The following OSBPL11 variants were observed in gnomAD, a reference collection of about 807,000 sequenced individuals.
OSBPL11 encodes the protein oxysterol binding protein like 11.
A neutral mutation model predicts 84.4 loss-of-function variants in OSBPL11; 33 were observed. The ratio of observed to expected loss-of-function variants is 0.39; its 90% CI spans 0.30 to 0.52. OSBPL11 has a LOEUF of 0.52. OSBPL11 is among the 20% of genes least tolerant of loss of function. OSBPL11 has a pLI of 0.72. For synonymous variants in OSBPL11, 276 were observed against 310.2 expected (o/e 0.89, Z 1.16); for missense variants, 736 against 901.1 (o/e 0.82, Z 2.35).
intron 11 of OSBPL11, among the ~76,000 whole-genome samples, chr3:125,536,784 C>A (rs1935645184): frequency 6.6e-6 from 1 of 152,156 alleles, no homozygotes; most frequent in South Asian, 2.1e-4. Flanking sequence ...AGTGCTCTTC[C>A]TCCAGATAAC....
At chr3:125,562,980 A>T (rs530029458) in intron 7 of OSBPL11, among the ~76,000 whole-genome samples, 4 of 129,210 alleles carry the variant, frequency 3.1e-5, no homozygotes, top group African/African-American at 7.8e-5. Context: ...ATTTATAATT[A>T]AAAAAAAAAC....
Position 125,530,326 on chromosome 3 carries a change from G to A in OSBPL11, c.*189C>T. 3.3e-6 allele frequency: 2 copies of A among 607,214 alleles called. No homozygotes were observed. Among genetic ancestry groups the A allele is most frequent in the Non-Finnish European group, 6.0e-6 (2 of 335,922 alleles). The allele number at this position is 607,214 out of a possible 1,614,324, so 37.6% of individuals were successfully genotyped here. On this transcript the variant is annotated 3_prime_UTR_variant, in exon 13 of 13. Coordinates refer to ENST00000296220, the MANE Select transcript of OSBPL11 (RefSeq NM_022776.5). ...ACATCACATGAACAGGTTGGTAAAAGGTCCACTGTGTTTCTTTACCACTTT... is the reference window on the plus strand; with the variant it reads ...ACATCACATGAACAGGTTGGTAAAAAGTCCACTGTGTTTCTTTACCACTTT...
At chr3:125,582,321 G>A (rs1198015318) in intron 2 of OSBPL11, among the ~76,000 whole-genome samples, 1 of 150,726 alleles carries the variant, frequency 6.6e-6, no homozygotes, top group Non-Finnish European at 1.5e-5. Context: ...GTGACAGAGC[G>A]AGACTCCGTC....
intron 9 of OSBPL11, among the ~76,000 whole-genome samples, chr3:125,550,496 T>C (rs1248041810): frequency 6.6e-6 from 1 of 151,750 alleles, no homozygotes; most frequent in African/African-American, 2.4e-5. Context: ...GTAAGACATA[T>C]TACAACAGAA....
chr3:125,580,229 G>A (rs556203665), intron 2 of OSBPL11, among the ~76,000 whole-genome samples, 189 bp from the exon 3 acceptor site: 122 of 152,234 alleles, frequency 8.0e-4, no homozygotes, highest in African/African-American at 2.7e-3. Flanking sequence ...AATCGAATGA[G>A]TTAGGCCAGG....
chr3:125,568,164 T>C (rs375095517), intron 5 of OSBPL11, among the ~76,000 whole-genome samples: 129 of 152,170 alleles, frequency 8.5e-4, no homozygotes, highest in African/African-American at 2.9e-3. Context: ...CCTGGCACTT[T>C]TTATTAAGAG....
At chr3:125,547,127 A>C (rs9853189) in intron 10 of OSBPL11, among the ~76,000 whole-genome samples, 1,952 of 152,308 alleles carry the variant, frequency 0.013, 25 homozygotes, top group Non-Finnish European at 0.022. Flanking sequence ...TAAAGGCAGA[A>C]TTGGGCCAGA....
At chr3:125,551,856 T>G (rs529104295) in intron 9 of OSBPL11, among the ~76,000 whole-genome samples, 1 of 152,020 alleles carries the variant, frequency 6.6e-6, no homozygotes, top group Non-Finnish European at 1.5e-5. Flanking sequence ...TTTACATTAG[T>G]TCATAGATAT....
intron 11 of OSBPL11, among the ~76,000 whole-genome samples, chr3:125,532,577 C>CAAAAAAA (rs371653670): frequency 3.7e-5 from 2 of 53,976 alleles, no homozygotes; most frequent in African/African-American, 1.2e-4. Context: ...AAATCTCAAG[C>CAAAAAAA]AAAAAAAAAA....
chr3:125,564,843 C>T lies in OSBPL11; in HGVS notation c.869-1000G>A, dbSNP rs372372627. Among the ~76,000 whole-genome samples the T allele has an allele frequency of 1.1e-3, 161 of 152,048 alleles. 4 individuals are homozygous for T. The South Asian group carries it at 0.031, about 29-fold the overall frequency. The stretch of plus-strand genomic sequence containing the variant: ...CTAATTTTTGTATTTTTGGTAGAGA[C>T]GGAGTTTCACCATGTTGGCCAGGCT... On this transcript the variant is annotated intron_variant, in intron 6 of 12. Coordinates refer to ENST00000296220, the MANE Select transcript of OSBPL11 (RefSeq NM_022776.5).
intron 10 of OSBPL11, among the ~76,000 whole-genome samples, chr3:125,542,532 G>A (rs1266314224): frequency 4.3e-5 from 6 of 140,564 alleles, no homozygotes; most frequent in South Asian, 2.2e-4. Flanking sequence ...TTTTTGAGAC[G>A]TAGCCTCACT....
intron 5 of OSBPL11, among the ~76,000 whole-genome samples, chr3:125,568,273 T>C (rs1291905016): frequency 6.6e-6 from 1 of 151,628 alleles, no homozygotes; most frequent in Non-Finnish European, 1.5e-5. Flanking sequence ...CTACTAAAAA[T>C]ACAAAAAATT....
rs56164804 is a variant in OSBPL11, at chr3:125,534,951, G to GAAAAAAAAAAAA, written c.2025-2949_2025-2938dup. On this transcript the variant is annotated intron_variant, in intron 11 of 12. Coordinates refer to ENST00000296220, the MANE Select transcript of OSBPL11 (RefSeq NM_022776.5). The stretch of plus-strand genomic sequence containing the variant: ...CCTAAGCTTCCATTGTAAGAAATTA[G>GAAAAAAAAAAAA]AAAAAAAAAAAAAAAAAAAAAAAAA... Among the ~76,000 whole-genome samples the GAAAAAAAAAAAA allele has an allele frequency of 1.9e-4, 12 of 64,656 alleles. 1 individual carries two copies. Among genetic ancestry groups the GAAAAAAAAAAAA allele is most frequent in the Non-Finnish European group, 2.2e-4 (8 of 36,992 alleles). The allele number at this position is 64,656 out of a possible 152,430, so 42.4% of individuals were successfully genotyped here.
intron 12 of OSBPL11, among the ~76,000 whole-genome samples, chr3:125,531,650 A>G (rs972934438): frequency 1.3e-5 from 2 of 152,026 alleles, no homozygotes; most frequent in African/African-American, 4.8e-5. Context: ...CTTCTTTCTT[A>G]GAATCTGTTC....
At chr3:125,592,545 G>T (rs1400093283) in intron 1 of OSBPL11, among the ~76,000 whole-genome samples, 5 of 151,958 alleles carry the variant, frequency 3.3e-5, no homozygotes, top group African/African-American at 1.2e-4. Flanking sequence ...ATTAAATAAA[G>T]AACTAATATA....
chr3:125,586,064 C>T (rs774148178), intron 1 of OSBPL11, among the ~76,000 whole-genome samples: 1 of 152,050 alleles, frequency 6.6e-6, no homozygotes, highest in Non-Finnish European at 1.5e-5. Flanking sequence ...TAGGGAGACC[C>T]ACCCCATCTC....
intron 8 of OSBPL11, among the ~76,000 whole-genome samples, chr3:125,556,399 G>A (rs565479399): frequency 4.0e-4 from 61 of 152,270 alleles, no homozygotes; most frequent in Non-Finnish European, 8.2e-4. Flanking sequence ...GGCTGAAGAT[G>A]CTCATTTCCC....
chr3:125,578,988 G>C lies in OSBPL11; in HGVS notation c.461C>G (p.Thr154Arg), dbSNP rs1936377384. The C allele has an allele frequency of 6.3e-7, 1 of 1,592,324 alleles. No individual in the cohort carries two copies. The highest frequency in any genetic ancestry group is 8.6e-7 in the Non-Finnish European group (1 of 1,168,230). ...QHWVSRLQIC[T>R]QHHTEAIGKN... ...TCCAATAGCTTCAGTATGATGCTGT[G>C]TACATATCTGAAGTCTGCTAACCCA... Residue 154 changes from threonine to arginine, a missense_variant, in exon 4 of 13, where the codon ACA (threonine) becomes AGA (arginine). Physicochemically the swap from Thr to Arg is moderately conservative, Grantham distance 71. Around this residue, in one of 3 missense-constraint regions of OSBPL11, gnomAD observed 579 missense variants for 717.6 expected, o/e 0.81. Coordinates refer to ENST00000296220, the MANE Select transcript of OSBPL11 (RefSeq NM_022776.5).
At position 125,567,435 on chromosome 3, in the gene OSBPL11, T is replaced by C; in HGVS notation, c.827A>G (p.Gln276Arg). Residue 276 changes from glutamine to arginine, a missense_variant, in exon 6 of 13, where the codon CAG (glutamine) becomes CGG (arginine). Around this residue, in one of 3 missense-constraint regions of OSBPL11, gnomAD observed 579 missense variants for 717.6 expected, o/e 0.81. Transcript: ENST00000296220. ...CTTCTGATGTGATGCATGCTGTAAC[T>C]GGAGAATATGAAAGCAGTCATTTAA... ...NCLNDCFHIL[Q>R]LQHASHQKGS... 1.2e-6 allele frequency: 2 copies of C among 1,614,164 alleles called. No homozygotes were observed. The highest frequency in any genetic ancestry group is 1.7e-6 in the Non-Finnish European group (2 of 1,180,012).
Sources: allele counts gnomAD v4.1 joint callset (sites outside exome capture counted in the v4.1 genomes callset), GRCh38; gene constraint gnomAD v4.1.1; regional missense constraint gnomAD v4.1.1; transcripts MANE v1.5; gene names NCBI Gene and HGNC (gene_info 2026-07-23, HGNC 2026-07-21).